BPNT2: variants seen among roughly 807,000 people sequenced by gnomAD.
BPNT2 encodes the protein 3'(2'), 5'-bisphosphate nucleotidase 2.
BPNT2 carries 11 observed loss-of-function variants against 29.3 expected under a neutral mutation model. The ratio of observed to expected loss-of-function variants is 0.38; its 90% CI spans 0.24 to 0.62. BPNT2 has a LOEUF of 0.62. BPNT2 is among the 20% of genes least tolerant of loss of function. BPNT2 has a pLI of 0.62. For missense variants in BPNT2, 459 were observed against 473.4 expected, an observed-to-expected ratio of 0.97 and a Z score of 0.28; for synonymous variants, 195 against 187.7, an observed-to-expected ratio of 1.04 and a Z score of -0.32.
chr8:56,970,207 A>G (rs1159430156), intron 3 of BPNT2, among the ~76,000 whole-genome samples: 1 of 152,208 alleles, frequency 6.6e-6, no homozygotes, highest in Non-Finnish European at 1.5e-5. Flanking sequence ...AGATCAGGTC[A>G]TGAACACTTT....
Position 56,993,192 on chromosome 8 carries a change from C to T in BPNT2, c.387+7G>A. On this transcript the variant is annotated splice_region_variant and intron_variant, in intron 1 of 4. Coordinates refer to ENST00000262644, the MANE Select transcript of BPNT2 (RefSeq NM_017813.5). ...CTCGAGTGGGCGCTCCGCCCGTGGG[C>T]TCCCACCTGGACGCTGGGGAAGGCG... The T allele has an allele frequency of 6.3e-7, 1 of 1,595,568 alleles. No homozygotes were observed. Among genetic ancestry groups the T allele is most frequent in the Non-Finnish European group, 8.5e-7 (1 of 1,177,590 alleles).
intron 1 of BPNT2, among the ~76,000 whole-genome samples, chr8:56,988,965 C>T (rs1334146833): frequency 2.6e-5 from 4 of 152,120 alleles, no homozygotes; most frequent in African/African-American, 7.2e-5. Context: ...AAGATATAAG[C>T]TCTCACCTGA....
chr8:56,986,789 T>G (rs918492043), intron 1 of BPNT2, among the ~76,000 whole-genome samples: 4 of 152,200 alleles, frequency 2.6e-5, no homozygotes, highest in African/African-American at 9.7e-5. Context: ...CTATTAAAAC[T>G]GGAAAACAGA....
At chr8:56,966,430 C>T (rs1805954286) in intron 3 of BPNT2, 78 bp from the exon 4 acceptor site, 1 of 1,199,636 alleles carries the variant, frequency 8.3e-7, no homozygotes, top group Admixed American at 1.7e-5. Flanking sequence ...ACCCAAAGTG[C>T]TATGTATGAC....
At position 56,966,320 on chromosome 8, in the gene BPNT2, T is replaced by C; in HGVS notation, c.679A>G (p.Lys227Glu). The C allele has an allele frequency of 6.2e-7, 1 of 1,614,102 alleles. No homozygotes were observed. Among genetic ancestry groups the C allele is most frequent in the East Asian group, 2.2e-5 (1 of 44,862 alleles). ...TTCTCATTGTAGGAAGAGCGGGCTT[T>C]CACATTTGAACCACCATCTACCATT... ...WAMVDGGSNV[K>E]ARSSYNEKTP... Residue 227 changes from lysine to glutamate, a missense_variant, in exon 4 of 5, where the codon AAA (lysine) becomes GAA (glutamate). Coordinates refer to ENST00000262644, the MANE Select transcript of BPNT2 (RefSeq NM_017813.5).
Position 56,963,824 on chromosome 8 carries a change from A to G in BPNT2, c.1049T>C (p.Leu350Pro). The G allele has an allele frequency of 6.2e-7, 1 of 1,614,070 alleles. No homozygotes were observed. The highest frequency in any genetic ancestry group is 8.5e-7 in the Non-Finnish European group (1 of 1,180,016). ...ATGTCCTGTCTTTTCTAGATCTGGG[A>G]GTTTTCTGACCAGGGCCTGGTGGTT... is the stretch of plus-strand genomic sequence containing the variant. Reference protein sequence around the residue: ...RMNHQALVRKLPDLEKTGHK With the variant: ...RMNHQALVRKPPDLEKTGHK The change falls in exon 5 of 5, where the codon CTC becomes CCC. Residue 350 changes from leucine (L) to proline (P), a missense_variant. By Grantham distance (98) the Leu-to-Pro change is moderately conservative. Transcript: ENST00000262644.
In BPNT2 at chr8:56,972,171, G is replaced by A. The variant is rs118101670; in HGVS notation, c.647-5819C>T. Among the ~76,000 whole-genome samples, 684 of 152,094 alleles carry A rather than the reference G, an allele frequency of 4.5e-3. 3 individuals carry two copies. The highest frequency in any genetic ancestry group is 8.1e-3 in the Non-Finnish European group (553 of 67,986). ...GTCTCTCCGGCAAACTGCTCATCAT[G>A]GTAAAAAGTGATCTTTTGTGGGTTT... is the stretch of plus-strand genomic sequence containing the variant. On this transcript the variant is annotated intron_variant, in intron 3 of 4. Coordinates refer to ENST00000262644, the MANE Select transcript of BPNT2 (RefSeq NM_017813.5).
rs1478665338 is a variant in BPNT2, at chr8:56,993,416, TCGGCCG to T, written c.164_169del (p.Ala55_Ala56del). On this transcript the variant is annotated inframe_deletion, in exon 1 of 5. Transcript: ENST00000262644. ...CTCGCGCAAGTCCACGGTGCCCCCA[TCGGCCG>T]CGGCCGCGGGCCCCGCCGCGCCGCC... 1 of 1,551,212 alleles carries T rather than the reference TCGGCCG, an allele frequency of 6.4e-7. No homozygotes were observed. Among genetic ancestry groups the T allele is most frequent in the East Asian group, 2.5e-5 (1 of 39,746 alleles).
In BPNT2 at chr8:56,959,225, A is replaced by G. The variant is rs1805787612; in HGVS notation, c.*4568T>C. On this transcript the variant is annotated 3_prime_UTR_variant, in exon 5 of 5. Transcript: ENST00000262644. ...AAGTTTGGTTTATGTTATCTTATCT[A>G]GAAAGAAAACTACTTACAAATCTCA... 1 of 152,252 alleles carries G rather than the reference A, an allele frequency of 6.6e-6. No individual in the cohort carries two copies. Among genetic ancestry groups the G allele is most frequent in the South Asian group, 2.1e-4 (1 of 4,834 alleles). 9.4% of individuals were successfully genotyped at this position (152,252 alleles called of 1,614,324 possible).
At chr8:56,981,337 C>A (rs1007288641) in intron 1 of BPNT2, among the ~76,000 whole-genome samples, 2 of 152,184 alleles carry the variant, frequency 1.3e-5, no homozygotes, top group East Asian at 3.9e-4. Flanking sequence ...GAGGCCGAGG[C>A]GGCTGGATCA....
At chr8:56,991,410 T>G (rs190863181) in intron 1 of BPNT2, among the ~76,000 whole-genome samples, 1 of 152,356 alleles carries the variant, frequency 6.6e-6, no homozygotes, top group Admixed American at 6.5e-5. Flanking sequence ...TCCCTTATTG[T>G]TTGCTAATAA....
chr8:56,981,066 A>G (rs1291335732), intron 1 of BPNT2, among the ~76,000 whole-genome samples: 1 of 152,038 alleles, frequency 6.6e-6, no homozygotes, highest in Non-Finnish European at 1.5e-5. Flanking sequence ...TGTCCTGTGC[A>G]TTGTAGGATG....
At position 56,993,602 on chromosome 8, in the gene BPNT2, C is replaced by CGCT; in HGVS notation, c.-20_-18dup. ...GGGGGCCATGGCGTGGGAAGCCGGGCGCTCCGGGCTGCGGCTCTCACAGGC... is the reference window on the plus strand; with the variant it reads ...GGGGGCCATGGCGTGGGAAGCCGGGCGCTGCTCCGGGCTGCGGCTCTCACAGGC... On this transcript the variant is annotated 5_prime_UTR_variant, in exon 1 of 5. Coordinates refer to ENST00000262644, the MANE Select transcript of BPNT2 (RefSeq NM_017813.5). 1 of 1,414,422 alleles carries CGCT rather than the reference C, an allele frequency of 7.1e-7. No individual in the cohort carries two copies. Among genetic ancestry groups the CGCT allele is most frequent in the Non-Finnish European group, 9.3e-7 (1 of 1,078,922 alleles). The allele number at this position is 1,414,422 out of a possible 1,614,324, so 87.6% of individuals were successfully genotyped here. A position where few individuals can be genotyped will look rare whatever the true frequency, so the allele number is the denominator to read the frequency against.
At chr8:56,991,549 G>A (rs1806416269) in intron 1 of BPNT2, among the ~76,000 whole-genome samples, 1 of 152,162 alleles carries the variant, frequency 6.6e-6, no homozygotes, top group African/African-American at 2.4e-5. Context: ...ACAATTATAA[G>A]TTTTAAATAG....
intron 3 of BPNT2, among the ~76,000 whole-genome samples, chr8:56,971,120 T>A (rs1806023799): frequency 6.6e-6 from 1 of 152,130 alleles, no homozygotes; most frequent in Non-Finnish European, 1.5e-5. Context: ...CTCAATACAT[T>A]TATTAGTAAC....
intron 4 of BPNT2, 81 bp from the exon 5 acceptor site, chr8:56,964,145 T>A: frequency 9.8e-7 from 1 of 1,022,290 alleles, no homozygotes; most frequent in Non-Finnish European, 1.5e-6. Flanking sequence ...AGTATCCTGT[T>A]AAAATAGCAG....
intron 1 of BPNT2, among the ~76,000 whole-genome samples, chr8:56,982,489 T>A (rs1243828980): frequency 6.6e-6 from 1 of 152,238 alleles, no homozygotes; most frequent in African/African-American, 2.4e-5. Context: ...CTTTATTAAT[T>A]CAGCAAATGC....
In BPNT2 at chr8:56,975,934, C is replaced by T. The variant is rs974549996; in HGVS notation, c.646+2116G>A. On this transcript the variant is annotated intron_variant, in intron 3 of 4. Transcript: ENST00000262644. ...GAGTACTGATTTTAGTAACTGTGTC[C>T]CTCTCTCTGTGTAGCAGTACTATGC... Among the ~76,000 whole-genome samples the T allele has an allele frequency of 5.9e-5, 9 of 151,942 alleles. No individual in the cohort carries two copies. In the South Asian group the frequency reaches 8.3e-4, roughly 14 times the overall value.
rs910619137 is a variant in BPNT2, at chr8:56,986,973, A to C, written c.387+6226T>G. Among the ~76,000 whole-genome samples the C allele has an allele frequency of 2.6e-5, 4 of 152,220 alleles. No homozygotes were observed. The South Asian group carries it at 8.3e-4, about 32-fold the overall frequency. On this transcript the variant is annotated intron_variant, in intron 1 of 4. Coordinates refer to ENST00000262644, the MANE Select transcript of BPNT2 (RefSeq NM_017813.5). ...ATTTTATTTAATTATATGGACATATACACACACATATACATATACATATAA... is the reference window on the plus strand; with the variant it reads ...ATTTTATTTAATTATATGGACATATCCACACACATATACATATACATATAA...
Sources: allele counts gnomAD v4.1 joint callset (sites outside exome capture counted in the v4.1 genomes callset), GRCh38; gene constraint gnomAD v4.1.1; transcripts MANE v1.5; gene names NCBI Gene and HGNC (gene_info 2026-07-23, HGNC 2026-07-21).